The following GPR176 variants were observed in gnomAD, a reference collection of about 807,000 sequenced individuals.
GPR176 encodes G protein-coupled receptor 176.
GPR176 carries 26 observed loss-of-function variants against 35.4 expected under a neutral mutation model. The observed-to-expected ratio is 0.74, with a 90% confidence interval of 0.54 to 1.02. The LOEUF is 1.02. Among genes scored for constraint, GPR176 ranks in the 50% least tolerant of loss-of-function variants. The probability of loss-of-function intolerance (pLI) is 0.00; values close to 1 mark genes in which losing one functional copy is unlikely to be tolerated. For synonymous variants in GPR176, 278 were observed against 271.3 expected (o/e 1.02, Z -0.24); for missense variants, 597 against 665.3 (o/e 0.90, Z 1.13).
At position 39,812,745 on chromosome 15, in the gene GPR176, A is replaced by ATT. The variant is rs144015459; in HGVS notation, c.173-5489_173-5488dup. Among the ~76,000 whole-genome samples the ATT allele has an allele frequency of 9.8e-3, 1,427 of 145,104 alleles. 16 individuals are homozygous for ATT. The highest frequency in any genetic ancestry group is 0.043 in the East Asian group (216 of 5,004). On this transcript the variant is annotated intron_variant, in intron 1 of 2. Coordinates refer to ENST00000561100, the MANE Select transcript of GPR176 (RefSeq NM_007223.3). ...TCCTAATTCCTCTCTTCTAAGCTTT[A>ATT]TTTTTTTTTTTTTTGAGACAGGGTC...
At chr15:39,859,142 C>A (rs908353620) in intron 1 of GPR176, among the ~76,000 whole-genome samples, 10 of 151,834 alleles carry the variant, frequency 6.6e-5, no homozygotes, top group Non-Finnish European at 1.0e-4. Flanking sequence ...ATAGAAAAAT[C>A]TTTAAAAGAT....
chr15:39,828,027 T>A (rs1194788617), intron 1 of GPR176, among the ~76,000 whole-genome samples: 4 of 152,348 alleles, frequency 2.6e-5, no homozygotes, highest in East Asian at 3.9e-4. Flanking sequence ...GGAGATGGTA[T>A]AATAAATGTG....
At chr15:39,825,862 G>A (rs1259544767) in intron 1 of GPR176, among the ~76,000 whole-genome samples, 1 of 152,166 alleles carries the variant, frequency 6.6e-6, no homozygotes, top group Admixed American at 6.5e-5. Context: ...CTTCATGGAT[G>A]AGGCATCATT....
At chr15:39,892,772 C>T (rs961358378) in intron 1 of GPR176, among the ~76,000 whole-genome samples, 2 of 152,222 alleles carry the variant, frequency 1.3e-5, no homozygotes, top group Non-Finnish European at 2.9e-5. Flanking sequence ...TCCCTCAGAG[C>T]CTTCAGAAGG....
intron 1 of GPR176, among the ~76,000 whole-genome samples, chr15:39,848,440 C>A (rs1181947759): frequency 2.6e-5 from 4 of 152,104 alleles, no homozygotes; most frequent in African/African-American, 9.7e-5. Context: ...GAGAAGAATT[C>A]CATAACACCA....
chr15:39,859,500 A>AC (rs199938107), intron 1 of GPR176, among the ~76,000 whole-genome samples: 2,045 of 151,932 alleles, frequency 0.013, 41 homozygotes, highest in African/African-American at 0.046. Context: ...TGAAAAAAAA[A>AC]AAAACAAAAC....
chr15:39,813,911 A>T (rs1174544566), intron 1 of GPR176, among the ~76,000 whole-genome samples: 1 of 152,202 alleles, frequency 6.6e-6, no homozygotes, highest in East Asian at 1.9e-4. Context: ...CTAGAAGCAG[A>T]ATTTCTGGGT....
intron 1 of GPR176, among the ~76,000 whole-genome samples, chr15:39,852,038 T>G (rs1326385678): frequency 6.6e-6 from 1 of 152,186 alleles, no homozygotes; most frequent in Admixed American, 6.6e-5. Context: ...AATAACCTAC[T>G]GAAATATCCT....
chr15:39,893,456 A>T (rs2032951123), intron 1 of GPR176, among the ~76,000 whole-genome samples: 1 of 152,114 alleles, frequency 6.6e-6, no homozygotes, highest in African/African-American at 2.4e-5. Flanking sequence ...AAGGCAGAAG[A>T]AGTTTTCTTA....
At chr15:39,879,665 C>T (rs189587614) in intron 1 of GPR176, among the ~76,000 whole-genome samples, 2 of 152,254 alleles carry the variant, frequency 1.3e-5, no homozygotes, top group East Asian at 3.9e-4. Context: ...TGGCCTTAAC[C>T]AAAACCCAAG....
chr15:39,818,762 C>T (rs1900079182), intron 1 of GPR176, among the ~76,000 whole-genome samples: 2 of 152,198 alleles, frequency 1.3e-5, no homozygotes, highest in South Asian at 2.1e-4. Flanking sequence ...TAGTCATTCA[C>T]GTCTCTCAAC....
intron 1 of GPR176, among the ~76,000 whole-genome samples, chr15:39,823,044 C>T (rs750007106): frequency 2.0e-4 from 31 of 152,182 alleles, no homozygotes; most frequent in Admixed American, 7.2e-4. Context: ...GTCCAGAGTA[C>T]GCTCTTCTGG....
chr15:39,829,241 C>A, intron 1 of GPR176: 1 of 1,475,646 alleles, frequency 6.8e-7, no homozygotes. Context: ...AAAGATGTGT[C>A]GCTGGAAAAG....
At chr15:39,896,710 AC>A (rs2140866737) in intron 1 of GPR176, among the ~76,000 whole-genome samples, 1 of 152,178 alleles carries the variant, frequency 6.6e-6, no homozygotes, top group East Asian at 1.9e-4. Context: ...TTGATCCACT[AC>A]CCCACACAGG....
intron 1 of GPR176, among the ~76,000 whole-genome samples, chr15:39,810,446 A>C (rs1459447814): frequency 6.6e-6 from 1 of 152,186 alleles, no homozygotes; most frequent in African/African-American, 2.4e-5. Flanking sequence ...TGTCCTTTTA[A>C]ACCGGTTTAT....
intron 1 of GPR176, among the ~76,000 whole-genome samples, chr15:39,918,845 A>G (rs915440609): frequency 1.3e-5 from 2 of 152,246 alleles, no homozygotes; most frequent in Non-Finnish European, 2.9e-5. Flanking sequence ...AGTCTATTAA[A>G]TGTCAGTTAT....
chr15:39,841,329 A>T (rs1301997401), intron 1 of GPR176, among the ~76,000 whole-genome samples: 2 of 74,060 alleles, frequency 2.7e-5, no homozygotes, highest in Admixed American at 1.4e-4. Flanking sequence ...TCCCCACCCC[A>T]CCCCACCCCA....
At chr15:39,817,080 A>AAAAAAAAAAAG (rs1899963271) in intron 1 of GPR176, among the ~76,000 whole-genome samples, 1 of 151,318 alleles carries the variant, frequency 6.6e-6, no homozygotes, top group Non-Finnish European at 1.5e-5. Flanking sequence ...AAAAAAAAAA[A>AAAAAAAAAAAG]AAAGCTTTGA....
intron 1 of GPR176, among the ~76,000 whole-genome samples, chr15:39,809,172 C>A (rs1899378359): frequency 6.6e-6 from 1 of 152,172 alleles, no homozygotes; most frequent in South Asian, 2.1e-4. Context: ...TTATATGCCT[C>A]TAGACAGCAT....
Sources: allele counts gnomAD v4.1 joint callset (sites outside exome capture counted in the v4.1 genomes callset), GRCh38; gene constraint gnomAD v4.1.1; transcripts MANE v1.5; gene names NCBI Gene and HGNC (gene_info 2026-07-23, HGNC 2026-07-21).